ATG7: variants seen among roughly 807,000 people sequenced by gnomAD.
ATG7 encodes the protein ubiquitin-like modifier-activating enzyme ATG7.
A neutral mutation model predicts 82.4 loss-of-function variants in ATG7; 70 were observed. The ratio of observed to expected loss-of-function variants is 0.85; its 90% CI spans 0.70 to 1.04. ATG7 has a LOEUF of 1.04. Among genes scored for constraint, ATG7 ranks in the 50% least tolerant of loss-of-function variants. ATG7 has a pLI of 0.00. For missense variants in ATG7, 792 were observed against 864.3 expected (o/e 0.92, Z 1.05); for synonymous variants, 287 against 313.0 (o/e 0.92, Z 0.88).
chr3:11,566,617 C>T, the ATG7 span, among the ~76,000 whole-genome samples: 3 of 152,300 alleles, frequency 2.0e-5, no homozygotes, highest in East Asian at 5.8e-4. Context: ...CTTGCCATTC[C>T]TCAAATAAGA....
chr3:11,320,496 C>G (rs1015594233), intron 9 of ATG7, among the ~76,000 whole-genome samples: 3 of 152,062 alleles, frequency 2.0e-5, no homozygotes, highest in African/African-American at 7.2e-5. Flanking sequence ...CCATGTTGGC[C>G]GGGCCAGTCT....
chr3:11,477,022 A>T (rs2088329363), intron 20 of ATG7: 1 of 1,113,214 alleles, frequency 9.0e-7, no homozygotes, highest in African/African-American at 1.6e-5. Context: ...GATGGCAGTC[A>T]TTAAATGATT....
chr3:11,550,725 G>A (rs145299759), intron 20 of ATG7, among the ~76,000 whole-genome samples: 39 of 152,126 alleles, frequency 2.6e-4, no homozygotes, highest in African/African-American at 8.9e-4. Context: ...GTCTATTACC[G>A]AGATGAGCCC....
chr3:11,372,724 A>G (rs2152832680), intron 18 of ATG7, among the ~76,000 whole-genome samples: 1 of 151,086 alleles, frequency 6.6e-6, no homozygotes, highest in East Asian at 1.9e-4. Context: ...GAAATCTTAA[A>G]ATGTTCAGAG....
At chr3:11,437,001 C>T (rs564499552) in intron 20 of ATG7, among the ~76,000 whole-genome samples, 59 of 152,248 alleles carry the variant, frequency 3.9e-4, no homozygotes, top group South Asian at 4.1e-4. Flanking sequence ...GGTTGCACAA[C>T]GGTGATTATA....
chr3:11,358,745 C>A, intron 15 of ATG7, 133 bp downstream of exon 15: 4 of 886,382 alleles, frequency 4.5e-6, no homozygotes, highest in Non-Finnish European at 6.7e-6. Flanking sequence ...CAAAGGGCTT[C>A]TGCTTCAGAC....
At chr3:11,329,105 AAAC>A (rs768413573) in intron 9 of ATG7, among the ~76,000 whole-genome samples, 9 of 152,314 alleles carry the variant, frequency 5.9e-5, no homozygotes, top group Middle Eastern at 3.4e-3. Flanking sequence ...CTCTGTCTCA[AAAC>A]AACAACAACA....
intron 19 of ATG7, among the ~76,000 whole-genome samples, chr3:11,414,332 C>T (rs1187855966): frequency 6.6e-6 from 1 of 152,180 alleles, no homozygotes; most frequent in African/African-American, 2.4e-5. Flanking sequence ...TCCCACAGTA[C>T]TGGGATTACA....
intron 19 of ATG7, among the ~76,000 whole-genome samples, chr3:11,382,202 A>T (rs373153232): frequency 9.2e-5 from 14 of 152,180 alleles, no homozygotes; most frequent in East Asian, 7.7e-4. Flanking sequence ...AAGTAGAATA[A>T]GTTTCTGCTG....
chr3:11,531,088 T>A (rs1023762437), intron 20 of ATG7, among the ~76,000 whole-genome samples: 2 of 152,158 alleles, frequency 1.3e-5, no homozygotes, highest in Non-Finnish European at 2.9e-5. Flanking sequence ...GCTTCTTGCC[T>A]CTCTGGCTGG....
At chr3:11,416,612 A>T (rs1199183901) in intron 19 of ATG7, among the ~76,000 whole-genome samples, 1 of 152,122 alleles carries the variant, frequency 6.6e-6, no homozygotes, top group Non-Finnish European at 1.5e-5. Context: ...TCTTAGTCTA[A>T]TTGGAGGCTT....
intron 20 of ATG7, among the ~76,000 whole-genome samples, chr3:11,554,468 G>A (rs2072188636): frequency 1.3e-5 from 2 of 152,208 alleles, no homozygotes; most frequent in South Asian, 2.1e-4. Flanking sequence ...GAACAAGCTG[G>A]CTTGGGGTGG....
In ATG7 at chr3:11,557,636, C is replaced by G. The variant is rs2072564698; in HGVS notation, c.*2793C>G. 1 of 152,870 alleles carries G rather than the reference C, an allele frequency of 6.5e-6. No individual in the cohort carries two copies. The highest frequency in any genetic ancestry group is 3.4e-3 in the Middle Eastern group (1 of 294). 9.5% of individuals were successfully genotyped at this position (152,870 alleles called of 1,614,324 possible). On this transcript the variant is annotated 3_prime_UTR_variant, in exon 21 of 21. Transcript: ENST00000693202. The stretch of plus-strand genomic sequence containing the variant: ...GCAGTAAGTATATCTAGGACTGTAA[C>G]TGACAAAAATAAACTAATTCTGAAA...
intron 18 of ATG7, among the ~76,000 whole-genome samples, chr3:11,376,567 G>A (rs550343395): frequency 6.6e-6 from 1 of 152,068 alleles, no homozygotes; most frequent in Non-Finnish European, 1.5e-5. Flanking sequence ...TCAGCATGAG[G>A]CAAGCTCAGG....
intron 1 of ATG7, among the ~76,000 whole-genome samples, chr3:11,276,136 C>G (rs1365493188): frequency 6.6e-6 from 1 of 152,316 alleles, no homozygotes; most frequent in East Asian, 1.9e-4. Context: ...TTATGTCTTC[C>G]TCATATTCAT....
intron 20 of ATG7, among the ~76,000 whole-genome samples, chr3:11,491,893 C>T (rs1424687504): frequency 6.6e-6 from 1 of 152,298 alleles, no homozygotes; most frequent in African/African-American, 2.4e-5. Context: ...TTTAAGTTTG[C>T]AGAGGTTACT....
chr3:11,327,091 A>G (rs1463545498), intron 9 of ATG7, among the ~76,000 whole-genome samples: 1 of 152,190 alleles, frequency 6.6e-6, no homozygotes, highest in Non-Finnish European at 1.5e-5. Context: ...GAGTCCGTGT[A>G]TTGAAGCCTG....
At chr3:11,402,572 C>G (rs2079940940) in intron 19 of ATG7, among the ~76,000 whole-genome samples, 1 of 152,154 alleles carries the variant, frequency 6.6e-6, no homozygotes, top group African/African-American at 2.4e-5. Flanking sequence ...CCTAGAACCT[C>G]CTTATACATT....
At chr3:11,568,909 A>G in the ATG7 span, 1 of 1,279,802 alleles carries the variant, frequency 7.8e-7, no homozygotes, top group African/African-American at 1.5e-5. This position sits in a 1 kb window ranked among gnomAD's most constrained non-coding sequence, Gnocchi z 5.9. Context: ...CCTCATCCCC[A>G]TCCTAGGCGG....
Sources: gnomAD v4.1 joint callset for allele counts (sites outside exome capture counted in the v4.1 genomes callset) on GRCh38, gnomAD v4.1.1 for gene constraint, Gnocchi (gnomAD v3.1) non-coding constraint, MANE v1.5 for transcripts, NCBI Gene and HGNC (gene_info 2026-07-23, HGNC 2026-07-21) for gene names.